The following MEGF11 variants were observed in gnomAD, a reference collection of about 807,000 sequenced individuals.
MEGF11 encodes the protein multiple EGF like domains 11.
A neutral mutation model predicts 146.6 loss-of-function variants in MEGF11; 126 were observed. The observed-to-expected ratio is 0.86, with a 90% confidence interval of 0.74 to 1.00. The LOEUF (loss-of-function observed/expected upper bound fraction) is 1.00. Ranked by LOEUF, MEGF11 falls within the 50% of genes least tolerant of loss-of-function variation. The pLI, the probability that MEGF11 is intolerant of heterozygous loss-of-function variation, is 0.00. For missense variants in MEGF11, 1,509 were observed against 1,521.2 expected, an observed-to-expected ratio of 0.99 and a Z score of 0.13; for synonymous variants, 532 against 583.4, an observed-to-expected ratio of 0.91 and a Z score of 1.27.
intron 10 of MEGF11, among the ~76,000 whole-genome samples, chr15:65,931,459 G>A (rs191968923): frequency 1.2e-4 from 19 of 152,328 alleles, no homozygotes; most frequent in Non-Finnish European, 2.2e-4. Flanking sequence ...CTGGCACCTT[G>A]GCTTCAGCCT....
chr15:66,220,276 G>A (rs1436404547), intron 1 of MEGF11, among the ~76,000 whole-genome samples: 1 of 151,684 alleles, frequency 6.6e-6, no homozygotes. Context: ...CTTTGTTACG[G>A]CAGCCCTAGA....
intron 10 of MEGF11, among the ~76,000 whole-genome samples, 190 bp downstream of exon 10, chr15:65,957,357 A>G (rs1417651710): frequency 6.6e-6 from 1 of 152,168 alleles, no homozygotes; most frequent in Non-Finnish European, 1.5e-5. Context: ...CCCTCCTCCT[A>G]TTATTTTTAG....
intron 5 of MEGF11, among the ~76,000 whole-genome samples, chr15:66,019,936 T>C (rs563129454): frequency 2.6e-5 from 4 of 152,178 alleles, no homozygotes; most frequent in Non-Finnish European, 5.9e-5. Flanking sequence ...TTTCCTTCAA[T>C]CCTTCACCTG....
intron 10 of MEGF11, among the ~76,000 whole-genome samples, chr15:65,951,812 A>AC (rs2080412697): frequency 6.6e-6 from 1 of 152,194 alleles, no homozygotes; most frequent in Non-Finnish European, 1.5e-5. Flanking sequence ...CAGCCTGGGC[A>AC]ACATAGTGAG....
At chr15:66,234,994 G>A (rs73477560) in intron 1 of MEGF11, among the ~76,000 whole-genome samples, 2,554 of 152,234 alleles carry the variant, frequency 0.017, 71 homozygotes, top group African/African-American at 0.059. Flanking sequence ...CAGGAAGTAA[G>A]GGGCTCTTTC....
intron 1 of MEGF11, among the ~76,000 whole-genome samples, chr15:66,151,863 C>T (rs1220003303): frequency 5.3e-5 from 8 of 152,372 alleles, no homozygotes; most frequent in South Asian, 2.1e-4. Flanking sequence ...GGCTGGCTCC[C>T]TCCCCACCCG....
chr15:65,938,215 T>C (rs1157699719), intron 10 of MEGF11, among the ~76,000 whole-genome samples: 2 of 152,214 alleles, frequency 1.3e-5, no homozygotes, highest in Non-Finnish European at 2.9e-5. Flanking sequence ...AGCTGCCTTG[T>C]TTTATAGGTG....
At chr15:65,957,404 G>A in intron 10 of MEGF11, 143 bp downstream of exon 10, 1 of 759,368 alleles carries the variant, frequency 1.3e-6, no homozygotes, top group Non-Finnish European at 2.1e-6. Flanking sequence ...CAGCTTCAGG[G>A]GCTCTCCCCT....
At chr15:66,166,913 G>A (rs551960361) in intron 1 of MEGF11, among the ~76,000 whole-genome samples, 7 of 152,268 alleles carry the variant, frequency 4.6e-5, no homozygotes, top group South Asian at 4.1e-4. Flanking sequence ...CTACAGGGTG[G>A]AGAACACAGC....
chr15:66,016,191 C>T (rs1229754632), intron 5 of MEGF11, among the ~76,000 whole-genome samples: 5 of 152,218 alleles, frequency 3.3e-5, no homozygotes, highest in East Asian at 1.9e-4. Context: ...ATCATGCTCC[C>T]GCTTCCCTCC....
intron 10 of MEGF11, among the ~76,000 whole-genome samples, chr15:65,940,228 C>G (rs1215749335): frequency 1.3e-5 from 2 of 152,180 alleles, no homozygotes. Flanking sequence ...AGTTCCGGAG[C>G]TACTAATGGG....
At chr15:65,990,284 C>T (rs958423950) in intron 5 of MEGF11, among the ~76,000 whole-genome samples, 2 of 152,156 alleles carry the variant, frequency 1.3e-5, no homozygotes, top group South Asian at 4.1e-4. Flanking sequence ...GATGCGGTGG[C>T]TCACACCTGT....
At position 66,183,786 on chromosome 15, in the gene MEGF11, G is replaced by A. The variant is rs529523640; in HGVS notation, c.-8-55375C>T. On this transcript the variant is annotated intron_variant, in intron 1 of 25. Coordinates refer to ENST00000395614, the MANE Select transcript of MEGF11 (RefSeq NM_001385028.1). ...GCTGGGCAGTGGGGATGGGGCTGAGGGTGTGCCCTTCCAACAAGCTCCCAG... is the reference window on the plus strand; with the variant it reads ...GCTGGGCAGTGGGGATGGGGCTGAGAGTGTGCCCTTCCAACAAGCTCCCAG... 2.0e-5 allele frequency among the ~76,000 whole-genome samples: 3 copies of A among 152,190 alleles called. No homozygotes were observed. In the South Asian group the frequency reaches 6.2e-4, roughly 32 times the overall value.
At chr15:66,077,433 C>T (rs2085639656) in intron 5 of MEGF11, among the ~76,000 whole-genome samples, 1 of 152,256 alleles carries the variant, frequency 6.6e-6, no homozygotes, top group Non-Finnish European at 1.5e-5. Context: ...TGGCCCCCTA[C>T]TCCCCATAGG....
intron 5 of MEGF11, among the ~76,000 whole-genome samples, chr15:66,092,961 A>G (rs140505712): frequency 1.6e-3 from 241 of 152,346 alleles, no homozygotes; most frequent in African/African-American, 5.4e-3. Context: ...AAGCCCAGAC[A>G]TTTTACCCAG....
intron 5 of MEGF11, among the ~76,000 whole-genome samples, chr15:66,018,620 C>T (rs1008409230): frequency 6.6e-6 from 1 of 151,978 alleles, no homozygotes; most frequent in African/African-American, 2.4e-5. Flanking sequence ...AGCTGGTGAG[C>T]GCATGTGTGA....
intron 5 of MEGF11, among the ~76,000 whole-genome samples, chr15:66,020,271 T>C (rs1416971908): frequency 6.6e-6 from 1 of 152,182 alleles, no homozygotes; most frequent in African/African-American, 2.4e-5. Flanking sequence ...TCTCTTCCAT[T>C]TGGGCTGTTA....
chr15:65,964,404 G>A (rs1351179567), intron 9 of MEGF11, among the ~76,000 whole-genome samples: 1 of 152,222 alleles, frequency 6.6e-6, no homozygotes, highest in Non-Finnish European at 1.5e-5. Context: ...TTAGGCCCTG[G>A]ATGGCCCTCG....
At chr15:66,167,165 G>A (rs2090118985) in intron 1 of MEGF11, among the ~76,000 whole-genome samples, 2 of 152,286 alleles carry the variant, frequency 1.3e-5, no homozygotes, top group South Asian at 4.1e-4. Flanking sequence ...CAGCCCCAGG[G>A]TGATGGACCA....
Sources: allele counts gnomAD v4.1 joint callset (sites outside exome capture counted in the v4.1 genomes callset), GRCh38; gene constraint gnomAD v4.1.1; transcripts MANE v1.5; gene names NCBI Gene and HGNC (gene_info 2026-07-23, HGNC 2026-07-21).